The following GPC3 variants were observed in gnomAD, a reference collection of about 807,000 sequenced individuals.
The protein encoded by GPC3 is glypican 3, also known as glypican-3.
GPC3 carries 3 observed loss-of-function variants against 34.4 expected under a neutral mutation model. That is an observed-to-expected ratio of 0.09 (90% CI 0.04 to 0.23). GPC3 has a LOEUF of 0.23. GPC3 is among the 10% of genes least tolerant of loss of function. GPC3 has a pLI of 1.00. For synonymous variants in GPC3, 177 were observed against 174.0 expected (o/e 1.02, Z -0.13); for missense variants, 351 against 445.6 (o/e 0.79, Z 1.91).
intron 6 of GPC3, among the ~76,000 whole-genome samples, chrX:133,610,121 G>T (rs1277196961): frequency 8.9e-6 from 1 of 111,913 alleles, no homozygotes; most frequent in Non-Finnish European, 1.9e-5. Flanking sequence ...ACCAAGTCCA[G>T]CTAATTTGTA....
At chrX:133,707,767 G>A (rs1473530233) in intron 3 of GPC3, among the ~76,000 whole-genome samples, 1 of 110,748 alleles carries the variant, frequency 9.0e-6, no homozygotes, top group Non-Finnish European at 1.9e-5. Flanking sequence ...GGGGGGCAGA[G>A]TTTATGCTGC....
chrX:133,587,631 G>C (rs907841543), intron 7 of GPC3, among the ~76,000 whole-genome samples: 6 of 111,855 alleles, frequency 5.4e-5, no homozygotes, highest in Non-Finnish European at 1.1e-4. Flanking sequence ...TATTGGCTTG[G>C]ACATTTGGAA....
At chrX:133,765,587 T>G (rs1434520451) in intron 2 of GPC3, among the ~76,000 whole-genome samples, 1 of 111,837 alleles carries the variant, frequency 8.9e-6, no homozygotes, top group Non-Finnish European at 1.9e-5. Context: ...ACAATTAATG[T>G]GTGCATTTTA....
intron 1 of GPC3, among the ~76,000 whole-genome samples, chrX:133,956,394 T>C (rs1461599349): frequency 8.9e-6 from 1 of 112,204 alleles, no homozygotes; most frequent in Non-Finnish European, 1.9e-5. Context: ...ATTCTAGGAA[T>C]AGGAACTGAT....
chrX:133,831,793 G>A (rs770870095), intron 2 of GPC3, among the ~76,000 whole-genome samples: 1 of 112,708 alleles, frequency 8.9e-6, no homozygotes, highest in Admixed American at 9.4e-5. Context: ...GATTTGAACA[G>A]ACACTTTGCC....
At chrX:133,730,092 T>C (rs190045586) in intron 3 of GPC3, among the ~76,000 whole-genome samples, 196 of 112,276 alleles carry the variant, frequency 1.7e-3, no homozygotes, top group African/African-American at 5.8e-3. Flanking sequence ...TCTAATAGTG[T>C]AGGTCATTCT....
chrX:133,812,629 C>T (rs1366155563), intron 2 of GPC3, among the ~76,000 whole-genome samples: 5 of 112,093 alleles, frequency 4.5e-5, no homozygotes, highest in Non-Finnish European at 9.4e-5. Context: ...AACCCCTCCA[C>T]CCACCCTATT....
chrX:133,599,122 T>A (rs1447533235), intron 6 of GPC3, among the ~76,000 whole-genome samples: 1 of 112,177 alleles, frequency 8.9e-6, no homozygotes, highest in African/African-American at 3.2e-5. Context: ...TGTCAGTCAT[T>A]CTCTCAAGTA....
chrX:133,945,524 T>C (rs957558459), intron 2 of GPC3, among the ~76,000 whole-genome samples: 17 of 111,270 alleles, frequency 1.5e-4, no homozygotes, highest in African/African-American at 5.6e-4. Flanking sequence ...GCCAGTCTCC[T>C]CCAGGAACCT....
At chrX:133,758,131 G>A (rs369618898) in intron 2 of GPC3, among the ~76,000 whole-genome samples, 11 of 111,718 alleles carry the variant, frequency 9.8e-5, no homozygotes, top group African/African-American at 2.0e-4. Flanking sequence ...CATTGTGGAC[G>A]ACAGTGTGGT....
At chrX:133,851,030 G>A (rs2075871697) in intron 2 of GPC3, among the ~76,000 whole-genome samples, 1 of 111,411 alleles carries the variant, frequency 9.0e-6, no homozygotes, top group Non-Finnish European at 1.9e-5. Flanking sequence ...CTTGAACCTG[G>A]GAGTTGGAGG....
At chrX:133,883,895 G>A (rs1169802297) in intron 2 of GPC3, among the ~76,000 whole-genome samples, 11 of 112,024 alleles carry the variant, frequency 9.8e-5, no homozygotes, top group Non-Finnish European at 2.1e-4. Context: ...TTAAAGTAAA[G>A]CTGTCTTCTT....
intron 2 of GPC3, among the ~76,000 whole-genome samples, chrX:133,881,983 C>G (rs757062006): frequency 6.0e-4 from 67 of 112,591 alleles, no homozygotes; most frequent in African/African-American, 2.1e-3. Flanking sequence ...TCGCGCCGTG[C>G]CTCCTGCTCC....
At chrX:133,809,968 C>G (rs1031928021) in intron 2 of GPC3, among the ~76,000 whole-genome samples, 1 of 111,990 alleles carries the variant, frequency 8.9e-6, no homozygotes, top group African/African-American at 3.2e-5. Flanking sequence ...AGTGTGTGAA[C>G]AGAGATGAAA....
chrX:133,583,336 T>C (rs2069752311), intron 7 of GPC3, among the ~76,000 whole-genome samples: 1 of 111,616 alleles, frequency 9.0e-6, no homozygotes, highest in Non-Finnish European at 1.9e-5. Flanking sequence ...CTAAGCCCCA[T>C]CCAGCCAATA....
At chrX:133,802,667 A>G (rs2075615714) in intron 2 of GPC3, among the ~76,000 whole-genome samples, 2 of 111,881 alleles carry the variant, frequency 1.8e-5, no homozygotes, top group African/African-American at 6.5e-5. Context: ...CTGTTCTGAG[A>G]ACTTCCCCCT....
intron 2 of GPC3, among the ~76,000 whole-genome samples, chrX:133,794,836 T>C (rs951570374): frequency 8.9e-6 from 1 of 112,270 alleles, no homozygotes; most frequent in Non-Finnish European, 1.9e-5. Flanking sequence ...AGGGGAAAAA[T>C]AGATTCTATT....
intron 3 of GPC3, among the ~76,000 whole-genome samples, chrX:133,720,588 A>G (rs191395947): frequency 8.9e-6 from 1 of 112,004 alleles, no homozygotes; most frequent in East Asian, 2.8e-4. Flanking sequence ...TCTTTTGTAA[A>G]TTGCCCAGTC....
chrX:133,860,784 AG>A (rs1368668246), intron 2 of GPC3, among the ~76,000 whole-genome samples: 1 of 111,684 alleles, frequency 9.0e-6, no homozygotes, highest in Non-Finnish European at 1.9e-5. Context: ...ATCATATTCT[AG>A]CACATATGGT....
Sources: gnomAD v4.1 joint callset for allele counts (sites outside exome capture counted in the v4.1 genomes callset) on GRCh38, gnomAD v4.1.1 for gene constraint, MANE v1.5 for transcripts, NCBI Gene and HGNC (gene_info 2026-07-23, HGNC 2026-07-21) for gene names.